Variants in UNC13B observed in about 807,000 individuals in gnomAD.
UNC13B encodes the protein unc-13 homolog B, also known as protein unc-13 homolog B.
UNC13B carries 144 observed loss-of-function variants against 211.0 expected under a neutral mutation model. The observed-to-expected ratio is 0.68, with a 90% CI of 0.60 to 0.78. UNC13B has a LOEUF of 0.78. Among genes scored for constraint, UNC13B ranks in the 30% least tolerant of loss-of-function variants. The probability of loss-of-function intolerance (pLI) is 0.00; values close to 1 mark genes in which losing one functional copy is unlikely to be tolerated. For missense variants in UNC13B, 1,777 were observed against 2,002.0 expected (o/e 0.89, Z 2.14); for synonymous variants, 709 against 725.8 (o/e 0.98, Z 0.37).
intron 11 of UNC13B, among the ~76,000 whole-genome samples, chr9:35,350,615 C>T (rs1832659949): frequency 6.6e-6 from 1 of 152,196 alleles, no homozygotes; most frequent in Admixed American, 6.5e-5. Context: ...TGGCTACCTG[C>T]CTCTCTACCT....
At chr9:35,167,495 C>T (rs1173015573) in intron 1 of UNC13B, among the ~76,000 whole-genome samples, 2 of 151,940 alleles carry the variant, frequency 1.3e-5, no homozygotes, top group African/African-American at 4.8e-5. Flanking sequence ...GTTATATAAG[C>T]ATACATAATT....
intron 24 of UNC13B, 25 bp from the exon 25 acceptor site, chr9:35,389,821 C>T (rs765350780): frequency 6.2e-7 from 1 of 1,613,568 alleles, no homozygotes; most frequent in South Asian, 1.1e-5. Flanking sequence ...TTCTCCCTCT[C>T]TCTCACTGTG....
At chr9:35,187,017 G>C (rs1393824113) in intron 1 of UNC13B, among the ~76,000 whole-genome samples, 1 of 152,108 alleles carries the variant, frequency 6.6e-6, no homozygotes, top group Admixed American at 6.5e-5. Context: ...CATTATCTCT[G>C]CTATTAGGAT....
chr9:35,393,852 T>G (rs1835702026), intron 26 of UNC13B, among the ~76,000 whole-genome samples: 1 of 152,132 alleles, frequency 6.6e-6, no homozygotes, highest in Non-Finnish European at 1.5e-5. Context: ...ATTACAGGTG[T>G]GAGCCAATGC....
intron 11 of UNC13B, among the ~76,000 whole-genome samples, chr9:35,356,673 GT>G (rs1833043743): frequency 6.6e-6 from 1 of 152,112 alleles, no homozygotes; most frequent in Non-Finnish European, 1.5e-5. Context: ...ATGGTTTTTA[GT>G]TTATTCATAG....
chr9:35,386,036 A>G (rs1835165820), intron 23 of UNC13B, 129 bp from the exon 24 acceptor site: 2 of 1,485,348 alleles, frequency 1.3e-6, no homozygotes, highest in East Asian at 2.3e-5. Context: ...TGGCAATTTC[A>G]TCACAGGGAA....
At chr9:35,255,055 T>C (rs1162270983) in intron 6 of UNC13B, among the ~76,000 whole-genome samples, 1 of 119,926 alleles carries the variant, frequency 8.3e-6, no homozygotes, top group African/African-American at 3.3e-5. Flanking sequence ...TATAATATAA[T>C]ATATATTATG....
chr9:35,181,849 A>C (rs1236471437), intron 1 of UNC13B, among the ~76,000 whole-genome samples: 1 of 152,112 alleles, frequency 6.6e-6, no homozygotes. Context: ...CAAATAAATA[A>C]ATACATAAAA....
At chr9:35,204,180 G>A (rs1379542473) in intron 1 of UNC13B, among the ~76,000 whole-genome samples, 1 of 152,258 alleles carries the variant, frequency 6.6e-6, no homozygotes, top group Non-Finnish European at 1.5e-5. Flanking sequence ...TGTTAAGCCT[G>A]TGGATGCACA....
At position 35,296,078 on chromosome 9, in the gene UNC13B, T is replaced by C. The variant is rs530230021; in HGVS notation, c.761+148T>C. On this transcript the variant is annotated intron_variant, in intron 8 of 39. Coordinates refer to ENST00000635942, the MANE Select transcript of UNC13B (RefSeq NM_001371189.2). ...AACTACAGTCATTTTGTGTAGATTA[T>C]TAGTCTTTTTTTTCTTCCACATGTT... The C allele has an allele frequency of 2.5e-5, 18 of 711,178 alleles. No individual in the cohort carries two copies. The African/African-American group carries it at 2.7e-4, about 11-fold the overall frequency. The allele number at this position is 711,178 out of a possible 1,614,324, so 44.1% of individuals were successfully genotyped here.
At position 35,380,569 on chromosome 9, in the gene UNC13B, T is replaced by G; in HGVS notation, c.10305T>G (p.Asp3435Glu). The G allele has an allele frequency of 6.2e-7, 1 of 1,614,228 alleles. No homozygotes were observed. The highest frequency in any genetic ancestry group is 8.5e-7 in the Non-Finnish European group (1 of 1,180,032). The change falls in exon 18 of 40, where the codon GAT becomes GAG. Residue 3435 changes from aspartate to glutamate, a missense_variant. Asp to Glu is a conservative substitution (Grantham distance 45, BLOSUM62 2). Coordinates refer to ENST00000635942, the MANE Select transcript of UNC13B (RefSeq NM_001371189.2). ...AGCAACGCCTAAAGCGAGAGTCTGA[T>G]GATTTCCTTGGCCAAACCATCATTG... The part of the protein sequence containing the change: ...RVKQRLKRES[D>E]DFLGQTIIEV...
In UNC13B at chr9:35,297,561, T is replaced by TTTTTTTTTTTTTTTGTTTTTTTG; in HGVS notation, c.761+1637_761+1638insTTTTTTTTGTTTTTTTGTTTTTT. Among the ~76,000 whole-genome samples the TTTTTTTTTTTTTTTGTTTTTTTG allele has an allele frequency of 3.4e-4, 44 of 128,202 alleles. 1 individual carries two copies. Among genetic ancestry groups the TTTTTTTTTTTTTTTGTTTTTTTG allele is most frequent in the Admixed American group, 7.0e-4 (9 of 12,824 alleles). 84.1% of individuals were successfully genotyped at this position (128,202 alleles called of 152,430 possible). A position where few individuals can be genotyped will look rare whatever the true frequency, so the allele number is the denominator to read the frequency against. ...ACATACTTTGTCTTTTTTTTTTTTTTTTTTTTGAGACGGAGTCTCGCTCTT... is the reference window on the plus strand; with the variant it reads ...ACATACTTTGTCTTTTTTTTTTTTTTTTTTTTTTTTTTTTGTTTTTTTGTTTTTTGAGACGGAGTCTCGCTCTT... On this transcript the variant is annotated intron_variant, in intron 8 of 39. Transcript: ENST00000635942.
intron 7 of UNC13B, among the ~76,000 whole-genome samples, chr9:35,293,789 C>T (rs1056518841): frequency 6.6e-6 from 1 of 152,180 alleles, no homozygotes; most frequent in Admixed American, 6.5e-5. Flanking sequence ...CTTTGCTACT[C>T]CTGCCCTGGT....
chr9:35,252,737 T>C (rs1021568096), intron 6 of UNC13B, among the ~76,000 whole-genome samples: 11 of 152,186 alleles, frequency 7.2e-5, no homozygotes, highest in African/African-American at 2.6e-4. Context: ...GAGACCATCC[T>C]GGCTAACACA....
Position 35,245,812 on chromosome 9 carries a change from C to T in UNC13B, c.468+2448C>T, listed in dbSNP as rs574674060. On this transcript the variant is annotated intron_variant, in intron 6 of 39. Coordinates refer to ENST00000635942, the MANE Select transcript of UNC13B (RefSeq NM_001371189.2). The stretch of plus-strand genomic sequence containing the variant: ...TGTGAATAGTGCCGCAATAAACATA[C>T]GCATGCATGTGTCTTTATAGCAGCA... 3.3e-3 allele frequency among the ~76,000 whole-genome samples: 502 copies of T among 152,170 alleles called. 2 individuals carry two copies. The highest frequency in any genetic ancestry group is 0.011 in the African/African-American group (472 of 41,496).
At position 35,306,596 on chromosome 9, in the gene UNC13B, A is replaced by G. The variant is rs1331656107; in HGVS notation, c.7192A>G (p.Asn2398Asp). The G allele has an allele frequency of 7.5e-6, 3 of 398,816 alleles. No homozygotes were observed. The highest frequency in any genetic ancestry group is 1.3e-5 in the Non-Finnish European group (3 of 226,064). 24.7% of individuals were successfully genotyped at this position (398,816 alleles called of 1,614,324 possible). Residue 2398 changes from asparagine (N) to aspartate (D), a missense_variant, in exon 9 of 40, where the codon AAT becomes GAT. By Grantham distance (23) the Asn-to-Asp change is conservative (BLOSUM62 1). Transcript: ENST00000635942. ...AGACACTTGTACTAACTGCCACCAA[A>G]ATGAGAAATTTACTACTGACCCAGT... ...DLDTCTNCHQNEKFTTDPVNL... is the reference protein window; with the variant it reads ...DLDTCTNCHQDEKFTTDPVNL...
chr9:35,265,529 T>C (rs1186954148), intron 7 of UNC13B, among the ~76,000 whole-genome samples: 1 of 152,218 alleles, frequency 6.6e-6, no homozygotes, highest in Non-Finnish European at 1.5e-5. Flanking sequence ...GTATACACTA[T>C]GTAAATGCAT....
intron 10 of UNC13B, among the ~76,000 whole-genome samples, chr9:35,313,677 A>AAAT (rs1564130061): frequency 2.6e-4 from 34 of 131,954 alleles, no homozygotes; most frequent in African/African-American, 3.2e-4. Context: ...AATAAATAAA[A>AAAT]GAGGGAACAG....
rs1276252613 is a variant in UNC13B at position 35,308,303 on chromosome 9, C to T, written c.8899C>T (p.Gln2967Ter). Residue 2967 changes from glutamine to a stop codon, truncating the protein, a stop_gained, in exon 9 of 40, where the codon CAG (glutamine) becomes TAG (stop). Coordinates refer to ENST00000635942, the MANE Select transcript of UNC13B (RefSeq NM_001371189.2). LOFTEE classifies it high-confidence loss of function. ...CTCCACTGTCTCTGAGATATTTCAC[C>T]AGCTAGAAAAACAAGAAGAGGAGGC... ...EPSTVSEIFH[Q>*]LEKQEEEAVP... 2 of 398,966 alleles carry T rather than the reference C, an allele frequency of 5.0e-6. No homozygotes were observed. The highest frequency in any genetic ancestry group is 4.1e-5 in the African/African-American group (2 of 48,616). 24.7% of individuals were successfully genotyped at this position (398,966 alleles called of 1,614,324 possible).
Sources: gnomAD v4.1 joint callset for allele counts (sites outside exome capture counted in the v4.1 genomes callset) on GRCh38, gnomAD v4.1.1 for gene constraint, MANE v1.5 for transcripts, NCBI Gene and HGNC (gene_info 2026-07-23, HGNC 2026-07-21) for gene names.